Variants in CTNNA1 observed in about 807,000 individuals in gnomAD.
CTNNA1 encodes the protein catenin alpha 1.
Under a neutral mutation model 98.4 loss-of-function variants are expected in CTNNA1, and 37 were observed. The observed-to-expected ratio is 0.38, with a 90% confidence interval of 0.29 to 0.49. The LOEUF is 0.49. Among genes scored for constraint, CTNNA1 ranks in the 20% least tolerant of loss-of-function variants. The pLI, the probability that CTNNA1 is intolerant of heterozygous loss-of-function variation, is 0.95. For missense variants in CTNNA1, 761 were observed against 1,147.2 expected (o/e 0.66, Z 4.86); for synonymous variants, 404 against 413.2 (o/e 0.98, Z 0.27).
intron 7 of CTNNA1, chr5:138,870,729 C>G (rs1175501178): frequency 6.6e-6 from 1 of 152,138 alleles, no homozygotes; most frequent in Non-Finnish European, 1.5e-5. Context: ...TGTGTTGTGA[C>G]CAAGCTGTCT....
chr5:138,843,751 A>G (rs1310149774), intron 7 of CTNNA1, among the ~76,000 whole-genome samples: 1 of 152,220 alleles, frequency 6.6e-6, no homozygotes. Flanking sequence ...TGGGATAGCC[A>G]GCTAAGAGGA....
chr5:138,921,296 C>T (rs1762868028), intron 11 of CTNNA1, among the ~76,000 whole-genome samples: 1 of 152,166 alleles, frequency 6.6e-6, no homozygotes, highest in Non-Finnish European at 1.5e-5. Context: ...GTTTTGGCTC[C>T]CTTTTTTTTG....
intron 7 of CTNNA1, among the ~76,000 whole-genome samples, chr5:138,867,221 T>G (rs1190414296): frequency 6.6e-6 from 1 of 152,224 alleles, no homozygotes; most frequent in Non-Finnish European, 1.5e-5. Context: ...TGTTTCCTGC[T>G]TCTGCCCTGG....
At chr5:138,792,209 T>C (rs1388396620) in intron 3 of CTNNA1, among the ~76,000 whole-genome samples, 2 of 152,226 alleles carry the variant, frequency 1.3e-5, no homozygotes, top group African/African-American at 4.8e-5. Flanking sequence ...TGTATGTGTA[T>C]GTGTATATAT....
intron 3 of CTNNA1, among the ~76,000 whole-genome samples, chr5:138,791,787 CTTTTTTTTTT>C (rs1168548486): frequency 2.0e-3 from 181 of 92,260 alleles, no homozygotes; most frequent in African/African-American, 7.4e-3. Flanking sequence ...GTTTTCTCAG[CTTTTTTTTTT>C]TTTTTTTTTT....
chr5:138,773,346 C>T (rs1753753898), intron 1 of CTNNA1, among the ~76,000 whole-genome samples: 1 of 152,166 alleles, frequency 6.6e-6, no homozygotes, highest in African/African-American at 2.4e-5. Flanking sequence ...GGCATTTGAG[C>T]TGAAATCTGA....
chr5:138,886,249 C>T lies in CTNNA1; in HGVS notation c.1100C>T (p.Ala367Val). 3.7e-6 allele frequency: 6 copies of T among 1,610,984 alleles called. No homozygotes were observed. The highest frequency in any genetic ancestry group is 5.1e-6 in the Non-Finnish European group (6 of 1,178,594). The change falls in exon 8 of 18, where the codon GCA becomes GTA. Residue 367 changes from alanine (A) to valine (V), a missense_variant. By Grantham distance (64) the Ala-to-Val change is moderately conservative. Around this residue, in one of 6 missense-constraint regions of CTNNA1, gnomAD observed 287 missense variants for 436.0 expected, o/e 0.66. Coordinates refer to ENST00000302763, the MANE Select transcript of CTNNA1 (RefSeq NM_001903.5). Reference protein sequence around the residue: ...RKERSDALNSAIDKMTKKTRD... With the variant: ...RKERSDALNSVIDKMTKKTRD... ...GAAAGAAGTGATGCACTCAATTCTG[C>T]AATAGATAAAATGACCAAGAAGACC...
rs1760851474 is a variant in CTNNA1, at chr5:138,827,617, G to A, written c.961G>A (p.Asp321Asn). The A allele has an allele frequency of 1.9e-6, 3 of 1,614,188 alleles. No individual in the cohort carries two copies. The highest frequency in any genetic ancestry group is 1.3e-5 in the African/African-American group (1 of 75,036). The change falls in exon 7 of 18, where the codon GAC (aspartate) becomes AAC (asparagine). Residue 321 changes from aspartate to asparagine, a missense_variant. By Grantham distance (23) the Asp-to-Asn change is conservative. Transcript: ENST00000302763. Reference protein sequence around the residue: ...SIISGAALMADSSCTRDDRRE... With the variant: ...SIISGAALMANSSCTRDDRRE... ...CATTAGTGGGGCTGCCTTGATGGCC[G>A]ACTCGTCCTGCACGCGTGATGACCG...
intron 7 of CTNNA1, among the ~76,000 whole-genome samples, chr5:138,829,290 A>C (rs1038203027): frequency 6.6e-6 from 1 of 152,256 alleles, no homozygotes; most frequent in African/African-American, 2.4e-5. Context: ...AAAGATGGAT[A>C]TGTTGCAGAA....
At chr5:138,774,921 T>C (rs1267076729) in intron 1 of CTNNA1, among the ~76,000 whole-genome samples, 2 of 152,224 alleles carry the variant, frequency 1.3e-5, no homozygotes, top group Non-Finnish European at 2.9e-5. Flanking sequence ...TGCCACCTTT[T>C]TTAAGTTAAG....
rs778580048 is a variant in CTNNA1, at chr5:138,812,165, G to T, written c.469-18G>T. 1 of 1,607,350 alleles carries T rather than the reference G, an allele frequency of 6.2e-7. No individual in the cohort carries two copies. ...ACATTCAGAATTTTTGGGTTTTGGG[G>T]TCTTTCTTATTTTATAGGTGGAAGA... On this transcript the variant is annotated intron_variant, in intron 4 of 17. Coordinates refer to ENST00000302763, the MANE Select transcript of CTNNA1 (RefSeq NM_001903.5).
chr5:138,761,413 T>G (rs1382472140), intron 1 of CTNNA1, among the ~76,000 whole-genome samples: 3 of 152,162 alleles, frequency 2.0e-5, no homozygotes, highest in Admixed American at 6.6e-5. Flanking sequence ...ATTTTTGTAC[T>G]TTTAGTAGAG....
intron 10 of CTNNA1, among the ~76,000 whole-genome samples, chr5:138,905,055 C>T (rs1205031868): frequency 6.9e-6 from 1 of 145,852 alleles, no homozygotes; most frequent in African/African-American, 2.6e-5. Context: ...GATCGCACCA[C>T]TACACTCCAG....
intron 9 of CTNNA1, among the ~76,000 whole-genome samples, chr5:138,892,492 T>A (rs1417998189): frequency 6.6e-6 from 1 of 151,448 alleles, no homozygotes; most frequent in Non-Finnish European, 1.5e-5. Flanking sequence ...GTGCCTGCTG[T>A]CACGCCTGGC....
chr5:138,780,333 G>T (rs995021989), intron 1 of CTNNA1, among the ~76,000 whole-genome samples: 2 of 151,088 alleles, frequency 1.3e-5, no homozygotes, highest in African/African-American at 4.8e-5. Context: ...GGGACTACAG[G>T]TGCCCGCCAC....
chr5:138,809,144 C>T (rs570301546), intron 3 of CTNNA1, among the ~76,000 whole-genome samples: 5 of 152,196 alleles, frequency 3.3e-5, no homozygotes, highest in Non-Finnish European at 7.4e-5. Context: ...GCCACCATGC[C>T]CAGCCTATAA....
At chr5:138,878,524 A>G (rs1226010524) in intron 7 of CTNNA1, among the ~76,000 whole-genome samples, 2 of 152,206 alleles carry the variant, frequency 1.3e-5, no homozygotes, top group Non-Finnish European at 2.9e-5. Flanking sequence ...TGTTCATGAT[A>G]AGGCAAAGGA....
chr5:138,844,932 A>G (rs1581241914), intron 7 of CTNNA1, among the ~76,000 whole-genome samples: 1 of 152,196 alleles, frequency 6.6e-6, no homozygotes, highest in Admixed American at 6.5e-5. Flanking sequence ...TTTAATAAGC[A>G]TAACTGGCTA....
chr5:138,755,193 A>G (rs1490642365), intron 1 of CTNNA1: 2 of 152,204 alleles, frequency 1.3e-5, no homozygotes, highest in East Asian at 1.9e-4. Context: ...TAATGAAACT[A>G]TTGTCTGAGT....
Sources: gnomAD v4.1 joint callset for allele counts (sites outside exome capture counted in the v4.1 genomes callset) on GRCh38, gnomAD v4.1.1 for gene constraint, gnomAD v4.1.1 regional missense constraint, MANE v1.5 for transcripts, NCBI Gene and HGNC (gene_info 2026-07-23, HGNC 2026-07-21) for gene names.